Variants in CSGALNACT1 observed in about 807,000 individuals in gnomAD.
CSGALNACT1 encodes chondroitin sulfate N-acetylgalactosaminyltransferase 1.
In CSGALNACT1, 52 loss-of-function variants were observed where a neutral mutation model predicts 51.0. That is an observed-to-expected ratio of 1.02 (90% CI 0.82 to 1.29). The LOEUF (loss-of-function observed/expected upper bound fraction) is 1.29. Among genes scored for constraint, CSGALNACT1 ranks in the 50% most tolerant of loss-of-function variants. CSGALNACT1 has a pLI of 0.00. For synonymous variants in CSGALNACT1, 341 were observed against 254.4 expected (o/e 1.34, Z -3.24); for missense variants, 935 against 679.2 (o/e 1.38, Z -4.19).
At chr8:19,666,785 A>G (rs143134868) in intron 1 of CSGALNACT1, among the ~76,000 whole-genome samples, 282 of 22,292 alleles carry the variant, frequency 0.013, 3 homozygotes, top group Middle Eastern at 0.037. Context: ...GAAAGAAAGA[A>G]AGAAAGAAAG....
intron 4 of CSGALNACT1, among the ~76,000 whole-genome samples, chr8:19,499,451 C>G (rs2076045526): frequency 6.6e-6 from 1 of 152,136 alleles, no homozygotes; most frequent in African/African-American, 2.4e-5. Flanking sequence ...ACCTTCCACC[C>G]AAAAACAAAT....
At chr8:19,710,087 G>A (rs1237129529) in intron 1 of CSGALNACT1, among the ~76,000 whole-genome samples, 1 of 152,022 alleles carries the variant, frequency 6.6e-6, no homozygotes, top group African/African-American at 2.4e-5. Context: ...AATACTTCTA[G>A]GAAAACACTG....
At position 19,511,183 on chromosome 8, in the gene CSGALNACT1, A is replaced by G. The variant is rs1415938873; in HGVS notation, c.-296-5053T>C. On this transcript the variant is annotated intron_variant, in intron 3 of 9. Coordinates refer to ENST00000454498, the Ensembl canonical transcript of CSGALNACT1. ...CAATGACAGGCCTTGTAAGTGATAA[A>G]GGCAACTATTCAAGGAGTGGCAATA... 2.0e-5 allele frequency among the ~76,000 whole-genome samples: 3 copies of G among 152,242 alleles called. No homozygotes were observed. The East Asian group carries it at 5.8e-4, about 29-fold the overall frequency.
intron 1 of CSGALNACT1, among the ~76,000 whole-genome samples, chr8:19,681,700 G>A (rs937378497): frequency 2.6e-5 from 4 of 152,180 alleles, no homozygotes; most frequent in Middle Eastern, 3.2e-3. Context: ...GTGCTTCCAA[G>A]TTCCCACTTG....
intron 5 of CSGALNACT1, among the ~76,000 whole-genome samples, chr8:19,452,242 G>C (rs1053582603): frequency 6.6e-6 from 1 of 152,212 alleles, no homozygotes; most frequent in African/African-American, 2.4e-5. Context: ...ATTCAGGTGA[G>C]AGAAGGCAGC....
chr8:19,475,392 A>C (rs1335593633), intron 4 of CSGALNACT1, among the ~76,000 whole-genome samples: 1 of 152,148 alleles, frequency 6.6e-6, no homozygotes, highest in African/African-American at 2.4e-5. Context: ...GTTTGCTTCT[A>C]TGTTCAGACA....
chr8:19,472,286 C>T (rs558063393), intron 4 of CSGALNACT1, among the ~76,000 whole-genome samples: 2 of 152,234 alleles, frequency 1.3e-5, no homozygotes, highest in South Asian at 4.1e-4. Flanking sequence ...TGGGAAAGCA[C>T]AAAACTTAAG....
At chr8:19,434,559 T>G (rs1290917805) in intron 6 of CSGALNACT1, among the ~76,000 whole-genome samples, 2 of 152,182 alleles carry the variant, frequency 1.3e-5, no homozygotes, top group African/African-American at 4.8e-5. Flanking sequence ...CATTTTTACA[T>G]CATAATTTAT....
chr8:19,709,642 G>A (rs953026526), intron 1 of CSGALNACT1, among the ~76,000 whole-genome samples: 1 of 152,208 alleles, frequency 6.6e-6, no homozygotes, highest in East Asian at 1.9e-4. Flanking sequence ...AAAATAGCTT[G>A]TTGCTTTCCA....
intron 6 of CSGALNACT1, among the ~76,000 whole-genome samples, chr8:19,429,238 G>A (rs2059286170): frequency 6.6e-6 from 1 of 152,166 alleles, no homozygotes; most frequent in African/African-American, 2.4e-5. Context: ...GTACAGTGGT[G>A]CAATCTTGGT....
At chr8:19,578,408 A>C (rs1049175177) in intron 3 of CSGALNACT1, among the ~76,000 whole-genome samples, 61 of 152,288 alleles carry the variant, frequency 4.0e-4, no homozygotes, top group African/African-American at 1.4e-3. Flanking sequence ...TGCTGCCTGG[A>C]GGAAGAAGAC....
chr8:19,754,846 G>A (rs1416528935), intron 1 of CSGALNACT1, among the ~76,000 whole-genome samples: 3 of 152,124 alleles, frequency 2.0e-5, no homozygotes, highest in Admixed American at 6.5e-5. Flanking sequence ...TCTCCAACCC[G>A]GCTTTATAGG....
chr8:19,562,057 A>T (rs2040861030), intron 3 of CSGALNACT1, among the ~76,000 whole-genome samples: 1 of 152,184 alleles, frequency 6.6e-6, no homozygotes, highest in Admixed American at 6.5e-5. Context: ...GCACTGAGGC[A>T]TCACCTGACA....
intron 3 of CSGALNACT1, among the ~76,000 whole-genome samples, chr8:19,585,834 T>A (rs1564154692): frequency 6.6e-6 from 1 of 152,200 alleles, no homozygotes; most frequent in East Asian, 1.9e-4. Context: ...CCCAGTAGCA[T>A]CTGCCCTGAG....
chr8:19,716,830 A>G (rs1158152277), intron 1 of CSGALNACT1, among the ~76,000 whole-genome samples: 1 of 151,928 alleles, frequency 6.6e-6, no homozygotes, highest in Admixed American at 6.6e-5. Context: ...GCAATTTCTT[A>G]TACTTCCTTC....
chr8:19,516,331 A>T (rs561603591), intron 3 of CSGALNACT1, among the ~76,000 whole-genome samples: 1 of 152,214 alleles, frequency 6.6e-6, no homozygotes, highest in South Asian at 2.1e-4. Flanking sequence ...CTTCAAACCC[A>T]GCTCCGTCTG....
At chr8:19,558,825 T>C (rs1014218766) in intron 3 of CSGALNACT1, among the ~76,000 whole-genome samples, 4 of 152,162 alleles carry the variant, frequency 2.6e-5, no homozygotes, top group African/African-American at 9.6e-5. Context: ...GATGAGGCCA[T>C]TACCTACACG....
intron 3 of CSGALNACT1, among the ~76,000 whole-genome samples, chr8:19,508,169 G>A (rs905862608): frequency 6.6e-6 from 1 of 152,182 alleles, no homozygotes; most frequent in African/African-American, 2.4e-5. Flanking sequence ...CACACGTTCA[G>A]GACCCTTGGG....
At chr8:19,441,619 G>C (rs143145881) in intron 5 of CSGALNACT1, among the ~76,000 whole-genome samples, 6,877 of 152,262 alleles carry the variant, frequency 0.045, 198 homozygotes, top group Middle Eastern at 0.085. Context: ...AAAAACCCTA[G>C]AAGAAAACCT....
Sources: allele counts gnomAD v4.1 joint callset (sites outside exome capture counted in the v4.1 genomes callset), GRCh38; gene constraint gnomAD v4.1.1; transcripts MANE v1.5; gene names NCBI Gene and HGNC (gene_info 2026-07-23, HGNC 2026-07-21).